The following EP300 variants were observed in gnomAD, a reference collection of about 807,000 sequenced individuals.
EP300 encodes the protein EP300 lysine acetyltransferase, also known as histone acetyltransferase p300.
Under a neutral mutation model 264.0 loss-of-function variants are expected in EP300, and 31 were observed. The observed-to-expected ratio is 0.12, with a 90% confidence interval of 0.09 to 0.16. EP300 has a LOEUF of 0.16. EP300 is among the 10% of genes least tolerant of loss of function. The probability of loss-of-function intolerance (pLI) is 1.00; values close to 1 mark genes in which losing one functional copy is unlikely to be tolerated. For synonymous variants in EP300, 1,340 were observed against 1,045.4 expected (o/e 1.28, Z -5.44); for missense variants, 2,766 against 3,052.9 (o/e 0.91, Z 2.21).
At chr22:41,117,849 A>G (rs1252198682) in intron 2 of EP300, 28 bp downstream of exon 2, 3 of 1,612,824 alleles carry the variant, frequency 1.9e-6, no homozygotes, top group Non-Finnish European at 1.7e-6. Flanking sequence ...TTGTGTGCAC[A>G]ATCGGCATGC....
rs571963857 is a variant in EP300, at chr22:41,105,331, G to A, written c.95-11856G>A. The stretch of plus-strand genomic sequence containing the variant: ...TGCCATGAGCTGAGATTGCACCTGG[G>A]CCACGAGAGTGAAACTGCATCTCAA... On this transcript the variant is annotated intron_variant, in intron 1 of 30. Coordinates refer to ENST00000263253, the MANE Select transcript of EP300 (RefSeq NM_001429.4). 2.0e-3 allele frequency among the ~76,000 whole-genome samples: 299 copies of A among 149,952 alleles called. No individual in the cohort carries two copies. In the Middle Eastern group the frequency reaches 0.024, roughly 12 times the overall value.
intron 1 of EP300, among the ~76,000 whole-genome samples, chr22:41,113,993 T>C (rs1403703748): frequency 6.6e-6 from 1 of 152,258 alleles, no homozygotes; most frequent in Admixed American, 6.5e-5. Flanking sequence ...ATGTTCAGTA[T>C]GCTAATGATA....
At position 41,179,195 on chromosome 22, in the gene EP300, T is replaced by G. The variant is rs1414636331; in HGVS notation, c.*239T>G. The stretch of plus-strand genomic sequence containing the variant: ...GGTTACCACCAGCCTTTCTTCCCCT[T>G]TGTGTGTGTGGTTCAAGTGTGCACT... On this transcript the variant is annotated 3_prime_UTR_variant, in exon 31 of 31. Coordinates refer to ENST00000263253, the MANE Select transcript of EP300 (RefSeq NM_001429.4). The G allele has an allele frequency of 3.6e-6, 2 of 558,434 alleles. No homozygotes were observed. Among genetic ancestry groups the G allele is most frequent in the East Asian group, 6.3e-5 (2 of 31,876 alleles). The allele number at this position is 558,434 out of a possible 1,614,324, so 34.6% of individuals were successfully genotyped here. A position where few individuals can be genotyped will look rare whatever the true frequency, so the allele number is the denominator to read the frequency against.
chr22:41,151,334 C>G (rs561841609), intron 14 of EP300, among the ~76,000 whole-genome samples: 1 of 152,222 alleles, frequency 6.6e-6, no homozygotes, highest in South Asian at 2.1e-4. Flanking sequence ...TAAGAGATTT[C>G]TTATGACAAG....
intron 1 of EP300, among the ~76,000 whole-genome samples, chr22:41,095,232 A>AT (rs66515117): frequency 0.031 from 2,478 of 80,162 alleles, 94 homozygotes; most frequent in East Asian, 0.085. Flanking sequence ...TACCATTGTA[A>AT]TTTTTTTTTT....
At chr22:41,169,420 G>A in intron 25 of EP300, 83 bp from the exon 26 acceptor site, 2 of 832,946 alleles carry the variant, frequency 2.4e-6, no homozygotes, top group Non-Finnish European at 4.1e-6. Context: ...AGAGTGAGAG[G>A]GTGTTATTAG....
chr22:41,155,886 G>A (rs543777787), intron 17 of EP300, among the ~76,000 whole-genome samples: 85 of 152,196 alleles, frequency 5.6e-4, no homozygotes, highest in Middle Eastern at 3.4e-3. Flanking sequence ...TTGTTTACAC[G>A]TTTTGACTAT....
chr22:41,104,139 C>G (rs908607824), intron 1 of EP300, among the ~76,000 whole-genome samples: 2 of 152,028 alleles, frequency 1.3e-5, no homozygotes, highest in Non-Finnish European at 2.9e-5. Flanking sequence ...TGTAGGCCTT[C>G]CCTTGTAACA....
In EP300 at chr22:41,166,602, C is replaced by G; in HGVS notation, c.3810C>G (p.Phe1270Leu). ...LHHEIIWPAG[F>L]VCDGCLKKSA... ...CAAAGTTTTGGTTTACATTTAGATT[C>G]GTCTGTGATGGCTGTTTAAAGAAAA... The change falls in exon 23 of 31, where the codon TTC becomes TTG. Residue 1270 changes from phenylalanine to leucine, a missense_variant. By Grantham distance (22) the Phe-to-Leu change is conservative (BLOSUM62 0). Transcript: ENST00000263253. 1 of 1,612,412 alleles carries G rather than the reference C, an allele frequency of 6.2e-7. No homozygotes were observed. The highest frequency in any genetic ancestry group is 8.5e-7 in the Non-Finnish European group (1 of 1,178,976).
At chr22:41,160,762 G>A (rs2145752714) in intron 20 of EP300, 40 bp downstream of exon 20, 2 of 1,564,944 alleles carry the variant, frequency 1.3e-6, no homozygotes, top group Non-Finnish European at 1.8e-6. Context: ...TAATTAGTTT[G>A]TTGTCCAGTG....
At position 41,177,896 on chromosome 22, in the gene EP300, G is replaced by C. The variant is rs375710969; in HGVS notation, c.6185G>C (p.Ser2062Thr). 8 of 1,614,084 alleles carry C rather than the reference G, an allele frequency of 5.0e-6. No individual in the cohort carries two copies. Among genetic ancestry groups the C allele is most frequent in the Non-Finnish European group, 5.9e-6 (7 of 1,180,038 alleles). Residue 2062 changes from serine (S) to threonine (T), a missense_variant, in exon 31 of 31, where the codon AGC (serine) becomes ACC (threonine). Coordinates refer to ENST00000263253, the MANE Select transcript of EP300 (RefSeq NM_001429.4). ...CTTTTGCGGACTCTCAGGTCTCCCA[G>C]CTCTCCCCTGCAGCAGCAACAGGTG... ...QNLLRTLRSP[S>T]SPLQQQQVLS...
chr22:41,162,585 A>C (rs964656183), intron 20 of EP300, 138 bp from the exon 21 acceptor site: 10 of 676,508 alleles, frequency 1.5e-5, no homozygotes, highest in African/African-American at 3.6e-5. Flanking sequence ...GTGTGAGCCA[A>C]GAATACACCT....
chr22:41,134,291 G>A lies in EP300; in HGVS notation c.1529-1522G>A, dbSNP rs141217333. ...AGATAAATTATGGATAACTAGAAAC[G>A]TACGTGTGTGTTTGAGTTTGGTCTC... On this transcript the variant is annotated intron_variant, in intron 6 of 30. Transcript: ENST00000263253. 7.9e-3 allele frequency among the ~76,000 whole-genome samples: 1,200 copies of A among 151,162 alleles called. 8 individuals carry two copies. Among genetic ancestry groups the A allele is most frequent in the Middle Eastern group, 0.024 (7 of 292 alleles).
rs184421781 is a variant in EP300 at position 41,122,985 on chromosome 22, A to G, written c.730-2879A>G. Among the ~76,000 whole-genome samples, 196 of 152,258 alleles carry G rather than the reference A, an allele frequency of 1.3e-3. 1 individual carries two copies. The highest frequency in any genetic ancestry group is 4.5e-3 in the African/African-American group (186 of 41,560). On this transcript the variant is annotated intron_variant, in intron 2 of 30. Transcript: ENST00000263253. ...CAGAGGTTGGGAATTATAATGAGCT[A>G]TGATAATGCAACTGCACTCCAACCT... is the stretch of plus-strand genomic sequence containing the variant.
chr22:41,144,519 A>G (rs1241935466), intron 10 of EP300, among the ~76,000 whole-genome samples: 4 of 151,702 alleles, frequency 2.6e-5, no homozygotes, highest in Admixed American at 6.6e-5. Flanking sequence ...ATGCCTGGCT[A>G]ATTTTTTTTT....
rs1301928615 is a variant in EP300 at position 41,176,557 on chromosome 22, G to A, written c.5061+29G>A. On this transcript the variant is annotated intron_variant, in intron 30 of 30. Coordinates refer to ENST00000263253, the MANE Select transcript of EP300 (RefSeq NM_001429.4). ...GGCACCGGGTTGTGGGAAGGAGGAGGTGAGCTCCGCAGGGTTGTTCTGAGG... is the reference window on the plus strand; with the variant it reads ...GGCACCGGGTTGTGGGAAGGAGGAGATGAGCTCCGCAGGGTTGTTCTGAGG... 3 of 1,612,962 alleles carry A rather than the reference G, an allele frequency of 1.9e-6. No homozygotes were observed. The East Asian group carries it at 6.7e-5, about 36-fold the overall frequency.
chr22:41,173,587 AC>A lies in EP300; in HGVS notation c.4618-34del, dbSNP rs113584011. ...GCTATTCCCAAATTACTTAACAAAA[AC>A]CTTATTTTCTTGTCTCCTTTGTGCT... is the stretch of plus-strand genomic sequence containing the variant. On this transcript the variant is annotated intron_variant, in intron 28 of 30. Coordinates refer to ENST00000263253, the MANE Select transcript of EP300 (RefSeq NM_001429.4). 2.9e-4 allele frequency: 462 copies of A among 1,612,356 alleles called. 2 individuals are homozygous for A. In the African/African-American group the frequency reaches 5.5e-3, roughly 19 times the overall value.
rs1263635747 is a variant in EP300, at chr22:41,178,793, A to G, written c.7082A>G (p.Gln2361Arg). ...GCTGCCCAGGCCAACCCCATGGAAC[A>G]AGGGCATTTTGCCAGCCCGGACCAG... ...LVAAQANPME[Q>R]GHFASPDQNS... Residue 2361 changes from glutamine to arginine, a missense_variant, in exon 31 of 31, where the codon CAA (glutamine) becomes CGA (arginine). By Grantham distance (43) the Gln-to-Arg change is conservative. Transcript: ENST00000263253. 4.3e-6 allele frequency: 7 copies of G among 1,614,072 alleles called. No homozygotes were observed. Among genetic ancestry groups the G allele is most frequent in the African/African-American group, 4.0e-5 (3 of 74,914 alleles).
At position 41,173,745 on chromosome 22, in the gene EP300, C is replaced by T; in HGVS notation, c.4740C>T (p.Leu1580=). The change falls in exon 29 of 31, where the codon CTC becomes CTT. Residue 1580 remains leucine, a synonymous_variant. Coordinates refer to ENST00000263253, the MANE Select transcript of EP300 (RefSeq NM_001429.4). ...KPGMPNVSND[L]SQKLYATMEK... ...GGATGCCCAATGTATCTAACGACCT[C>T]TCACAGAAACTATATGCCACCATGG... is the stretch of plus-strand genomic sequence containing the variant. 3 of 1,614,152 alleles carry T rather than the reference C, an allele frequency of 1.9e-6. No homozygotes were observed. The highest frequency in any genetic ancestry group is 2.5e-6 in the Non-Finnish European group (3 of 1,180,020).
Sources: gnomAD v4.1 joint callset for allele counts (sites outside exome capture counted in the v4.1 genomes callset) on GRCh38, gnomAD v4.1.1 for gene constraint, MANE v1.5 for transcripts, NCBI Gene and HGNC (gene_info 2026-07-23, HGNC 2026-07-21) for gene names.